The following NPTN variants were observed in gnomAD, a reference collection of about 807,000 sequenced individuals.
The protein encoded by NPTN is SDR-1.
Under a neutral mutation model 42.7 loss-of-function variants are expected in NPTN, and 5 were observed. The ratio of observed to expected loss-of-function variants is 0.12; its 90% CI spans 0.06 to 0.25. The LOEUF (loss-of-function observed/expected upper bound fraction) is 0.25. Ranked by LOEUF, NPTN falls within the 10% of genes least tolerant of loss-of-function variation. NPTN has a pLI of 1.00. For synonymous variants in NPTN, 180 were observed against 201.9 expected (o/e 0.89, Z 0.92); for missense variants, 307 against 525.4 (o/e 0.58, Z 4.06).
chr15:73,598,171 A>C (rs1355420419), intron 1 of NPTN, among the ~76,000 whole-genome samples: 1 of 152,138 alleles, frequency 6.6e-6, no homozygotes, highest in Non-Finnish European at 1.5e-5. Context: ...AACCCAACTC[A>C]CTGCCAGCTA....
chr15:73,611,719 G>A (rs1897589626), intron 1 of NPTN, among the ~76,000 whole-genome samples: 2 of 152,102 alleles, frequency 1.3e-5, no homozygotes, highest in Admixed American at 1.3e-4. Context: ...ACAACATCAA[G>A]AATGAACCCT....
At chr15:73,603,638 A>G (rs780403299) in intron 1 of NPTN, among the ~76,000 whole-genome samples, 32 of 152,254 alleles carry the variant, frequency 2.1e-4, no homozygotes, top group Admixed American at 6.5e-4. Context: ...AATAATAAGA[A>G]TAAAGAGAGG....
intron 1 of NPTN, among the ~76,000 whole-genome samples, chr15:73,623,564 G>A (rs1482175125): frequency 6.6e-6 from 1 of 152,146 alleles, no homozygotes; most frequent in African/African-American, 2.4e-5. Context: ...GTATGCGCCT[G>A]TGGTCCCAGC....
intron 6 of NPTN, chr15:73,568,861 T>G: frequency 1.0e-6 from 1 of 985,446 alleles, no homozygotes. Context: ...GGCAGAGAGA[T>G]TTATAACTGC....
intron 1 of NPTN, among the ~76,000 whole-genome samples, chr15:73,619,864 C>A (rs1037077008): frequency 2.0e-5 from 3 of 152,150 alleles, no homozygotes; most frequent in South Asian, 2.1e-4. Context: ...GGTATTAGGG[C>A]AAAGAGAAAA....
chr15:73,574,409 G>A (rs896099160), intron 4 of NPTN, among the ~76,000 whole-genome samples: 2 of 152,098 alleles, frequency 1.3e-5, no homozygotes, highest in Admixed American at 1.3e-4. Context: ...AGTGTCCCAA[G>A]AGATTTTTTT....
chr15:73,598,320 G>C (rs1252541935), intron 1 of NPTN, among the ~76,000 whole-genome samples: 1 of 152,116 alleles, frequency 6.6e-6, no homozygotes, highest in Non-Finnish European at 1.5e-5. Context: ...AATGTACCCT[G>C]ATGAATTAAA....
chr15:73,597,449 T>C lies in NPTN; in HGVS notation c.92-80A>G. 8.9e-7 allele frequency: 1 copy of C among 1,121,416 alleles called. No individual in the cohort carries two copies. Among genetic ancestry groups the C allele is most frequent in the Non-Finnish European group, 1.3e-6 (1 of 794,470 alleles). 69.5% of individuals were successfully genotyped at this position (1,121,416 alleles called of 1,614,324 possible). ...GAATCAACAGGTGTTAATAGTAATT[T>C]AAAGAAAAGAAAAGAAAAAAGCAAA... On this transcript the variant is annotated intron_variant, in intron 1 of 8. Transcript: ENST00000345330. This position sits in a 1 kb window ranked among gnomAD's most constrained non-coding sequence, Gnocchi z 6.3.
In NPTN at chr15:73,570,150, C is replaced by A; in HGVS notation, c.1114G>T (p.Asp372Tyr). 6.2e-7 allele frequency: 1 copy of A among 1,601,430 alleles called. No individual in the cohort carries two copies. Residue 372 changes from aspartate to tyrosine, a missense_variant and splice_region_variant, in exon 6 of 9, where the codon GAT (aspartate) becomes TAT (tyrosine). Physicochemically the swap from Asp to Tyr is radical, Grantham distance 160. Coordinates refer to ENST00000345330, the MANE Select transcript of NPTN (RefSeq NM_012428.4). This position sits in a 1 kb window ranked among gnomAD's most constrained non-coding sequence, Gnocchi z 4.0. ...AGCTATTTTGTAGGGATGCTCTTAC[C>A]GTCAGGAACCTCATCTGGCCTCTTC... is the stretch of plus-strand genomic sequence containing the variant. Reference protein sequence around the residue: ...KRKRPDEVPDDDEPAGPMKTN... With the variant: ...KRKRPDEVPDYDEPAGPMKTN...
chr15:73,569,655 G>A lies in NPTN; in HGVS notation c.1114+495C>T. 1.0e-6 allele frequency: 1 copy of A among 985,470 alleles called. No individual in the cohort carries two copies. Among genetic ancestry groups the A allele is most frequent in the East Asian group, 1.1e-4 (1 of 8,814 alleles). 61.0% of individuals were successfully genotyped at this position (985,470 alleles called of 1,614,324 possible). ...GCTTTTCTGAGAACAGTCTGACTGG[G>A]CTGGGGCAGTTACCTACAGGGGCTA... is the stretch of plus-strand genomic sequence containing the variant. On this transcript the variant is annotated intron_variant, in intron 6 of 8. Coordinates refer to ENST00000345330, the MANE Select transcript of NPTN (RefSeq NM_012428.4). The surrounding 1 kb of genome is among the most constrained non-coding windows in gnomAD (Gnocchi z 4.1).
At chr15:73,606,349 A>G (rs1242937387) in intron 1 of NPTN, among the ~76,000 whole-genome samples, 1 of 152,214 alleles carries the variant, frequency 6.6e-6, no homozygotes, top group Non-Finnish European at 1.5e-5. Flanking sequence ...TTGTCAAGCT[A>G]GTATTTTCAG....
intron 1 of NPTN, among the ~76,000 whole-genome samples, chr15:73,618,184 A>C (rs943680282): frequency 1.3e-5 from 2 of 152,234 alleles, no homozygotes; most frequent in African/African-American, 4.8e-5. Flanking sequence ...ATCAGGAATT[A>C]ATTTCCTTTG....
At chr15:73,602,393 G>A (rs143231299) in intron 1 of NPTN, among the ~76,000 whole-genome samples, 37 of 152,220 alleles carry the variant, frequency 2.4e-4, no homozygotes, top group Middle Eastern at 3.4e-3. Flanking sequence ...TCATAAGAGC[G>A]TTTCTCTCCT....
At chr15:73,581,076 C>A (rs1384104221) in intron 4 of NPTN, among the ~76,000 whole-genome samples, 1 of 152,210 alleles carries the variant, frequency 6.6e-6, no homozygotes, top group Non-Finnish European at 1.5e-5. Context: ...GGCTTCGACT[C>A]TGTCATTAGT....
chr15:73,604,726 T>C (rs1016291833), intron 1 of NPTN, among the ~76,000 whole-genome samples: 5 of 152,340 alleles, frequency 3.3e-5, no homozygotes, highest in African/African-American at 1.2e-4. Flanking sequence ...CATAAGGTCA[T>C]GGCAAGATTC....
rs1894791071 is a variant in NPTN, at chr15:73,563,261, C to T, written c.1115-4G>A. 2.5e-6 allele frequency: 4 copies of T among 1,611,256 alleles called. No individual in the cohort carries two copies. The highest frequency in any genetic ancestry group is 3.4e-6 in the Non-Finnish European group (4 of 1,177,604). ...ATTGGTCCAGCTGGTTCATCATCTA[C>T]ATGGTGTTCAGTTTTTTAAAAATCC... is the stretch of plus-strand genomic sequence containing the variant. On this transcript the variant is annotated splice_region_variant and splice_polypyrimidine_tract_variant and intron_variant, in intron 6 of 8. Coordinates refer to ENST00000345330, the MANE Select transcript of NPTN (RefSeq NM_012428.4).
At chr15:73,580,205 C>T (rs1351286183) in intron 4 of NPTN, among the ~76,000 whole-genome samples, 1 of 150,746 alleles carries the variant, frequency 6.6e-6, no homozygotes, top group Non-Finnish European at 1.5e-5. Flanking sequence ...AGAATAGAGT[C>T]CACAAAAATA....
intron 1 of NPTN, among the ~76,000 whole-genome samples, chr15:73,606,991 C>T (rs1227326563): frequency 6.6e-6 from 1 of 152,184 alleles, no homozygotes; most frequent in Non-Finnish European, 1.5e-5. Context: ...GAGGTCTGAT[C>T]AACCTGGCCT....
chr15:73,566,642 C>T (rs540703362), intron 6 of NPTN, among the ~76,000 whole-genome samples: 1 of 152,244 alleles, frequency 6.6e-6, no homozygotes, highest in African/African-American at 2.4e-5. Flanking sequence ...GAGTGCAGTC[C>T]GCAGGACACC....
Sources: gnomAD v4.1 joint callset for allele counts (sites outside exome capture counted in the v4.1 genomes callset) on GRCh38, gnomAD v4.1.1 for gene constraint, Gnocchi (gnomAD v3.1) non-coding constraint, MANE v1.5 for transcripts, NCBI Gene and HGNC (gene_info 2026-07-23, HGNC 2026-07-21) for gene names.